ZFP90: variants seen among roughly 807,000 people sequenced by gnomAD.
The protein encoded by ZFP90 is zinc finger protein 90 homolog.
ZFP90 carries 38 observed loss-of-function variants against 60.8 expected under a neutral mutation model. The observed-to-expected ratio is 0.62, with a 90% CI of 0.48 to 0.82. ZFP90 has a LOEUF of 0.82. ZFP90 is among the 40% of genes least tolerant of loss of function. The pLI is 0.00. For synonymous variants in ZFP90, 287 were observed against 264.8 expected, an observed-to-expected ratio of 1.08 and a Z score of -0.82; for missense variants, 711 against 759.1, an observed-to-expected ratio of 0.94 and a Z score of 0.74.
Position 68,563,744 on chromosome 16 carries a change from C to T in ZFP90, c.957C>T (p.Phe319=), listed in dbSNP as rs959047356. The T allele has an allele frequency of 1.9e-6, 3 of 1,611,182 alleles. No homozygotes were observed. Among genetic ancestry groups the T allele is most frequent in the African/African-American group, 1.3e-5 (1 of 74,114 alleles). ...PYQCSLCGKA[F]QRSSSLVQHQ... ...AGTGTAGTCTCTGTGGGAAAGCCTT[C>T]CAGCGCAGCTCCTCCCTTGTTCAAC... is the stretch of plus-strand genomic sequence containing the variant. The change falls in exon 5 of 5, where the codon TTC becomes TTT. Residue 319 remains phenylalanine (F), a synonymous_variant. Transcript: ENST00000563169.
intron 2 of ZFP90, among the ~76,000 whole-genome samples, chr16:68,555,469 GC>G (rs1013136605): frequency 2.6e-5 from 4 of 152,098 alleles, no homozygotes; most frequent in African/African-American, 4.8e-5. Flanking sequence ...AGTAGAAGGG[GC>G]CACTCCTGCC....
chr16:68,550,063 C>G (rs983026167), intron 2 of ZFP90, among the ~76,000 whole-genome samples: 9 of 152,024 alleles, frequency 5.9e-5, no homozygotes, highest in Non-Finnish European at 8.8e-5. Flanking sequence ...AATACACATT[C>G]CATGTGTAAT....
At chr16:68,557,710 C>T (rs560354876) in intron 2 of ZFP90, among the ~76,000 whole-genome samples, 1 of 151,108 alleles carries the variant, frequency 6.6e-6, no homozygotes, top group South Asian at 2.1e-4. Context: ...GAATAGGCAG[C>T]AATGACTTGG....
chr16:68,534,510 G>A (rs1266470735), upstream of ZFP90, among the ~76,000 whole-genome samples: 5 of 151,296 alleles, frequency 3.3e-5, no homozygotes, highest in Non-Finnish European at 5.9e-5. Context: ...TTACAGGCGT[G>A]AGCCACTGCG....
downstream of ZFP90, among the ~76,000 whole-genome samples, chr16:68,568,109 T>G (rs2091547997): frequency 6.6e-6 from 1 of 152,252 alleles, no homozygotes; most frequent in South Asian, 2.1e-4. Flanking sequence ...TACCACAGTT[T>G]GTATTTGTGA....
chr16:68,539,413 G>T lies in ZFP90; in HGVS notation c.-102G>T. ...CGAGGCTTCGGCGGGGGCGGGAGGA[G>T]CTGCCCGAGGCTCTGGGTGGGCCGG... is the stretch of plus-strand genomic sequence containing the variant. On this transcript the variant is annotated 5_prime_UTR_variant, in exon 1 of 5. Coordinates refer to ENST00000563169, the MANE Select transcript of ZFP90 (RefSeq NM_001305203.2). 3.2e-6 allele frequency: 1 copy of T among 307,962 alleles called. No individual in the cohort carries two copies. Among genetic ancestry groups the T allele is most frequent in the Non-Finnish European group, 6.0e-6 (1 of 166,938 alleles). The allele number at this position is 307,962 out of a possible 1,614,324, so 19.1% of individuals were successfully genotyped here. A position where few individuals can be genotyped will look rare whatever the true frequency, so the allele number is the denominator to read the frequency against.
downstream of ZFP90, among the ~76,000 whole-genome samples, chr16:68,569,456 A>G (rs909678638): frequency 2.6e-5 from 4 of 152,232 alleles, no homozygotes; most frequent in Middle Eastern, 3.4e-3. Flanking sequence ...CTTTTCTTGT[A>G]TGCTATCCTC....
In ZFP90 at chr16:68,557,877, G is replaced by T. The variant is rs1221138223; in HGVS notation, c.34-121G>T. ...CAATAAGTTTATGTAACCCAACATT[G>T]CCTCCTCAATCTAACAAATGTGTGA... On this transcript the variant is annotated intron_variant, in intron 2 of 4. Coordinates refer to ENST00000563169, the MANE Select transcript of ZFP90 (RefSeq NM_001305203.2). The T allele has an allele frequency of 9.1e-6, 12 of 1,319,666 alleles. No homozygotes were observed. In the East Asian group the frequency reaches 2.1e-4, roughly 23 times the overall value. The allele number at this position is 1,319,666 out of a possible 1,614,324, so 81.7% of individuals were successfully genotyped here.
intron 2 of ZFP90, among the ~76,000 whole-genome samples, chr16:68,551,881 C>G (rs574556487): frequency 5.1e-4 from 78 of 152,268 alleles, no homozygotes; most frequent in African/African-American, 1.8e-3. Context: ...GCCTCAGCCT[C>G]CTCAGTATCT....
chr16:68,537,519 A>G (rs1165117173), upstream of ZFP90, among the ~76,000 whole-genome samples: 1 of 152,188 alleles, frequency 6.6e-6, no homozygotes, highest in African/African-American at 2.4e-5. Flanking sequence ...GCATTCTGCT[A>G]ATTCCAGACC....
chr16:68,562,962 A>G, intron 4 of ZFP90, 82 bp from the exon 5 acceptor site: 3 of 1,575,308 alleles, frequency 1.9e-6, no homozygotes, highest in Non-Finnish European at 2.6e-6. Context: ...TATGTAACTT[A>G]TATGTCTTTC....
intron 2 of ZFP90, among the ~76,000 whole-genome samples, chr16:68,540,834 A>G (rs1786380709): frequency 6.7e-6 from 1 of 149,706 alleles, no homozygotes; most frequent in South Asian, 2.1e-4. Context: ...AAAAAAATTT[A>G]AAAGATAAAA....
chr16:68,571,760 T>C (rs1187224558), downstream of ZFP90, among the ~76,000 whole-genome samples: 2 of 151,888 alleles, frequency 1.3e-5, no homozygotes, highest in Non-Finnish European at 2.9e-5. Flanking sequence ...AGACCTCATC[T>C]CAACAAAAAT....
intron 4 of ZFP90, among the ~76,000 whole-genome samples, chr16:68,560,042 G>T (rs983428759): frequency 2.0e-5 from 3 of 152,132 alleles, no homozygotes; most frequent in Non-Finnish European, 4.4e-5. Flanking sequence ...CCCAGATTTA[G>T]ATTGCTATAA....
intron 2 of ZFP90, among the ~76,000 whole-genome samples, chr16:68,546,871 G>C (rs548873387): frequency 4.6e-5 from 7 of 152,182 alleles, no homozygotes; most frequent in Non-Finnish European, 8.8e-5. Flanking sequence ...ATGTCTTCAA[G>C]ATTCATCTAA....
At chr16:68,553,744 A>G (rs2091298105) in intron 2 of ZFP90, among the ~76,000 whole-genome samples, 1 of 152,094 alleles carries the variant, frequency 6.6e-6, no homozygotes, top group African/African-American at 2.4e-5. Flanking sequence ...TCAGCCCTCC[A>G]AGTAGCTAGG....
At position 68,566,779 on chromosome 16, in the gene ZFP90, T is replaced by G. The variant is rs973693518; in HGVS notation, c.*2081T>G. On this transcript the variant is annotated 3_prime_UTR_variant, in exon 5 of 5. Coordinates refer to ENST00000563169, the MANE Select transcript of ZFP90 (RefSeq NM_001305203.2). The stretch of plus-strand genomic sequence containing the variant: ...GTCAGGAACTCATTATGCTACTGGT[T>G]GTTTGGGGATCCCCATAGTGGACTA... The G allele has an allele frequency of 1.1e-4, 105 of 985,456 alleles. No homozygotes were observed. The highest frequency in any genetic ancestry group is 8.9e-4 in the East Asian group (8 of 8,964). The allele number at this position is 985,456 out of a possible 1,614,324, so 61.0% of individuals were successfully genotyped here.
chr16:68,535,081 C>T (rs763988534), upstream of ZFP90, among the ~76,000 whole-genome samples: 5 of 152,058 alleles, frequency 3.3e-5, no homozygotes, highest in Admixed American at 6.6e-5. Context: ...GCTGTGAGCT[C>T]ATATTTCTTG....
chr16:68,569,326 G>T (rs2091555133), downstream of ZFP90, among the ~76,000 whole-genome samples: 4 of 151,542 alleles, frequency 2.6e-5, no homozygotes, highest in Non-Finnish European at 1.5e-5. Flanking sequence ...TAGTAGAGAT[G>T]GGGTTTCACC....
Sources: allele counts gnomAD v4.1 joint callset (sites outside exome capture counted in the v4.1 genomes callset), GRCh38; gene constraint gnomAD v4.1.1; transcripts MANE v1.5; gene names NCBI Gene and HGNC (gene_info 2026-07-23, HGNC 2026-07-21).